Variants in PTPRD observed in about 807,000 individuals in gnomAD.
PTPRD encodes the protein receptor-type tyrosine-protein phosphatase delta.
PTPRD carries 34 observed loss-of-function variants against 214.5 expected under a neutral mutation model. That is an observed-to-expected ratio of 0.16 (90% confidence interval 0.12 to 0.21). The LOEUF (loss-of-function observed/expected upper bound fraction) is 0.21. PTPRD is among the 10% of genes least tolerant of loss of function. PTPRD has a pLI of 1.00. For missense variants in PTPRD, 2,545 were observed against 2,398.7 expected (o/e 1.06, Z -1.27); for synonymous variants, 1,128 against 845.7 (o/e 1.33, Z -5.79).
intron 5 of PTPRD, among the ~76,000 whole-genome samples, chr9:9,887,380 G>C (rs149466039): frequency 2.0e-5 from 3 of 152,014 alleles, no homozygotes; most frequent in Non-Finnish European, 2.9e-5. Context: ...TGCAAGTTTT[G>C]TCTCCTGCAG....
chr9:8,568,910 T>C (rs1273462355), intron 14 of PTPRD, among the ~76,000 whole-genome samples: 2 of 151,782 alleles, frequency 1.3e-5, no homozygotes, highest in East Asian at 1.9e-4. Context: ...TGTGTGTCAT[T>C]AGCACAAATC....
chr9:10,328,899 C>T (rs2096698288), intron 3 of PTPRD, among the ~76,000 whole-genome samples: 1 of 151,732 alleles, frequency 6.6e-6, no homozygotes, highest in Non-Finnish European at 1.5e-5. Flanking sequence ...AGTTCTTTCG[C>T]ACCTTTGTTA....
intron 11 of PTPRD, among the ~76,000 whole-genome samples, chr9:9,000,194 C>T (rs940442551): frequency 2.0e-5 from 3 of 152,008 alleles, no homozygotes; most frequent in Admixed American, 6.6e-5. Flanking sequence ...TGTGGAGCTG[C>T]GTTCTGAATC....
At chr9:9,869,153 T>C (rs769314007) in intron 5 of PTPRD, among the ~76,000 whole-genome samples, 3 of 152,176 alleles carry the variant, frequency 2.0e-5, no homozygotes, top group African/African-American at 7.2e-5. Flanking sequence ...TACTTTTTTA[T>C]AAATTGATAA....
chr9:10,503,184 G>C (rs977117409), intron 2 of PTPRD, among the ~76,000 whole-genome samples: 2 of 31,974 alleles, frequency 6.3e-5, no homozygotes, highest in African/African-American at 1.9e-4. Flanking sequence ...TTGAGACACA[G>C]CTGCAATACA....
intron 26 of PTPRD, among the ~76,000 whole-genome samples, chr9:8,494,915 A>G (rs2097228444): frequency 6.6e-6 from 1 of 152,040 alleles, no homozygotes; most frequent in South Asian, 2.1e-4. Flanking sequence ...TATTATGGCC[A>G]TAATTCCTCA....
intron 3 of PTPRD, among the ~76,000 whole-genome samples, chr9:10,254,266 T>C (rs1326249063): frequency 6.6e-6 from 1 of 152,258 alleles, no homozygotes; most frequent in Non-Finnish European, 1.5e-5. Flanking sequence ...GTATAAGTTA[T>C]TTAAAATCCA....
chr9:9,867,188 A>T (rs1233824756), intron 5 of PTPRD, among the ~76,000 whole-genome samples: 2 of 152,148 alleles, frequency 1.3e-5, no homozygotes, highest in South Asian at 4.1e-4. Context: ...TAAGGATTAG[A>T]ACCCAAGTCT....
intron 3 of PTPRD, among the ~76,000 whole-genome samples, chr9:10,166,501 C>G (rs999046220): frequency 1.3e-5 from 2 of 151,916 alleles, no homozygotes; most frequent in Admixed American, 1.3e-4. Flanking sequence ...ATCAACCGCA[C>G]AACCCTTTGT....
Position 9,753,343 on chromosome 9 carries a change from T to C in PTPRD, c.-326+13467A>G, listed in dbSNP as rs992761328. 3.9e-5 allele frequency among the ~76,000 whole-genome samples: 6 copies of C among 152,076 alleles called. No individual in the cohort carries two copies. The East Asian group carries it at 1.2e-3, about 29-fold the overall frequency. On this transcript the variant is annotated intron_variant, in intron 6 of 45. Transcript: ENST00000381196. ...CTCTGGACAACATATCAATTTGTGT[T>C]ATGAAGTGAATTATAGCTGGACCCG...
chr9:8,323,774 G>T (rs10976952), intron 44 of PTPRD, among the ~76,000 whole-genome samples: 1 of 152,300 alleles, frequency 6.6e-6, no homozygotes, highest in South Asian at 2.1e-4. Context: ...CTGTGGAAAT[G>T]ACAACAAAGG....
At chr9:10,195,098 A>ATTTTTT (rs34900305) in intron 3 of PTPRD, among the ~76,000 whole-genome samples, 20 of 97,904 alleles carry the variant, frequency 2.0e-4, no homozygotes, top group Non-Finnish European at 2.3e-4. Context: ...ATACCCGGCT[A>ATTTTTT]TTTTTTTTTT....
At position 9,923,117 on chromosome 9, in the gene PTPRD, G is replaced by A. The variant is rs539096296; in HGVS notation, c.-368+15390C>T. Among the ~76,000 whole-genome samples the A allele has an allele frequency of 4.2e-3, 424 of 101,362 alleles. 2 individuals are homozygous for A. The highest frequency in any genetic ancestry group is 0.025 in the African/African-American group (385 of 15,212). 66.5% of individuals were successfully genotyped at this position (101,362 alleles called of 152,430 possible). A position where few individuals can be genotyped will look rare whatever the true frequency, so the allele number is the denominator to read the frequency against. ...TAAGGAAAAAAAAAGGACTGTGTGT[G>A]TGGGGGGTGTGTGTGTGTGTGTGTG... On this transcript the variant is annotated intron_variant, in intron 5 of 45. Coordinates refer to ENST00000381196, the MANE Select transcript of PTPRD (RefSeq NM_002839.4).
intron 27 of PTPRD, among the ~76,000 whole-genome samples, chr9:8,489,319 C>T (rs1403336659): frequency 6.6e-6 from 1 of 152,124 alleles, no homozygotes; most frequent in East Asian, 1.9e-4. Flanking sequence ...CTAGGAATCA[C>T]GAGATCAAAG....
At chr9:10,288,811 T>A (rs1030740064) in intron 3 of PTPRD, among the ~76,000 whole-genome samples, 2 of 80,036 alleles carry the variant, frequency 2.5e-5, no homozygotes, top group South Asian at 5.2e-4. Flanking sequence ...ATTAAAAACT[T>A]TTTTTCTGCT....
chr9:8,422,623 G>C (rs753654974), intron 35 of PTPRD, among the ~76,000 whole-genome samples: 6 of 152,088 alleles, frequency 3.9e-5, no homozygotes, highest in Non-Finnish European at 8.8e-5. Flanking sequence ...GAAACTTTGT[G>C]ACACTGAATT....
chr9:8,361,117 G>T (rs1326118199), intron 39 of PTPRD, among the ~76,000 whole-genome samples: 1 of 152,074 alleles, frequency 6.6e-6, no homozygotes, highest in East Asian at 1.9e-4. Flanking sequence ...AGATTAAATG[G>T]TCAACATACG....
intron 8 of PTPRD, among the ~76,000 whole-genome samples, chr9:9,424,138 C>G (rs2079898770): frequency 6.6e-6 from 1 of 152,214 alleles, no homozygotes; most frequent in African/African-American, 2.4e-5. Context: ...ATCTGGACCA[C>G]TTGAAGGGAC....
chr9:9,012,439 G>A (rs969445012), intron 11 of PTPRD, among the ~76,000 whole-genome samples: 13 of 152,130 alleles, frequency 8.5e-5, no homozygotes, highest in Non-Finnish European at 1.2e-4. Context: ...AGGACCATAA[G>A]CCAAGCATTA....
Sources: gnomAD v4.1 joint callset for allele counts (sites outside exome capture counted in the v4.1 genomes callset) on GRCh38, gnomAD v4.1.1 for gene constraint, MANE v1.5 for transcripts, NCBI Gene and HGNC (gene_info 2026-07-23, HGNC 2026-07-21) for gene names.